Variants in DCAF6 observed in about 807,000 individuals in gnomAD.
DCAF6 encodes the protein DDB1 and CUL4 associated factor 6.
DCAF6 carries 54 observed loss-of-function variants against 125.1 expected under a neutral mutation model. The observed-to-expected ratio is 0.43, with a 90% CI of 0.35 to 0.54. The LOEUF (loss-of-function observed/expected upper bound fraction) is 0.54. DCAF6 is among the 20% of genes least tolerant of loss of function. The probability of loss-of-function intolerance (pLI) is 0.01; values close to 1 mark genes in which losing one functional copy is unlikely to be tolerated. For synonymous variants in DCAF6, 371 were observed against 390.4 expected, an observed-to-expected ratio of 0.95 and a Z score of 0.58; for missense variants, 934 against 1,161.7, an observed-to-expected ratio of 0.80 and a Z score of 2.85.
At chr1:167,917,035 T>C in the DCAF6 span, 317 of 152,360 alleles carry the variant, frequency 2.1e-3, 2 homozygotes, top group African/African-American at 7.1e-3. Flanking sequence ...ACTCAAAAAG[T>C]TGTTTTGTCT....
At chr1:168,022,897 A>G (rs1030119324) in intron 11 of DCAF6, 91 bp from the exon 12 acceptor site, 14 of 1,160,866 alleles carry the variant, frequency 1.2e-5, no homozygotes, top group South Asian at 9.0e-5. Context: ...GCAGCCTTAT[A>G]CATTTGTTTC....
chr1:167,982,360 G>A (rs1294971707), intron 4 of DCAF6, among the ~76,000 whole-genome samples: 2 of 152,078 alleles, frequency 1.3e-5, no homozygotes, highest in South Asian at 2.1e-4. Context: ...TCCTGCCTCA[G>A]CCTCCTGAGT....
the DCAF6 span, among the ~76,000 whole-genome samples, chr1:167,866,525 T>G: frequency 5.9e-5 from 6 of 101,620 alleles, no homozygotes; most frequent in Non-Finnish European, 3.5e-5. Flanking sequence ...GCACACTCTA[T>G]GTGCCAAAAA....
Position 168,063,695 on chromosome 1 carries a change from C to G in DCAF6, c.2375C>G (p.Thr792Ser). ...KERKEMEELD[T>S]LNIRRPLVKM... The stretch of plus-strand genomic sequence containing the variant: ...AGGAAAGAAATGGAAGAATTGGATA[C>G]TTTGAACATTAGAAGGCCGCTAGTA... The change falls in exon 18 of 22, where the codon ACT becomes AGT. Residue 792 changes from threonine to serine, a missense_variant. Transcript: ENST00000367840. The G allele has an allele frequency of 6.2e-7, 1 of 1,604,652 alleles. No individual in the cohort carries two copies. The highest frequency in any genetic ancestry group is 1.7e-5 in the Admixed American group (1 of 58,290).
intron 13 of DCAF6, among the ~76,000 whole-genome samples, chr1:168,040,734 G>A (rs1432403589): frequency 1.4e-5 from 2 of 142,848 alleles, no homozygotes; most frequent in Non-Finnish European, 3.1e-5. Context: ...TTTTTTTTTA[G>A]AGAAAATCAT....
At chr1:167,957,843 G>A (rs1232534114) in intron 2 of DCAF6, among the ~76,000 whole-genome samples, 1 of 152,064 alleles carries the variant, frequency 6.6e-6, no homozygotes, top group Non-Finnish European at 1.5e-5. Flanking sequence ...GATGTGAAGT[G>A]GTAATTTGTT....
At position 168,045,113 on chromosome 1, in the gene DCAF6, C is replaced by CT; in HGVS notation, c.2146dup (p.Ser716PhefsTer4). ...CAGTTCCAAACAGAAGCCACTGGGC[C>CT]TTCAGCTCATGAAGAAACATCCACC... On this transcript the variant is annotated frameshift_variant, in exon 16 of 22. Transcript: ENST00000367840. LOFTEE classifies it high-confidence loss of function. The CT allele has an allele frequency of 6.2e-7, 1 of 1,614,020 alleles. No individual in the cohort carries two copies. Among genetic ancestry groups the CT allele is most frequent in the East Asian group, 2.2e-5 (1 of 44,878 alleles).
chr1:167,932,808 CAAAAAAAA>C (rs965449372), upstream of DCAF6, among the ~76,000 whole-genome samples: 2 of 54,966 alleles, frequency 3.6e-5, no homozygotes, highest in Non-Finnish European at 8.4e-5. Flanking sequence ...GACTCTGTCT[CAAAAAAAA>C]AAAAAAAAAA....
intron 17 of DCAF6, chr1:168,055,946 C>G: frequency 6.3e-7 from 1 of 1,590,350 alleles, no homozygotes; most frequent in Non-Finnish European, 8.6e-7. Context: ...CTTCTTCACT[C>G]ATAAGTTCAT....
the DCAF6 span, among the ~76,000 whole-genome samples, chr1:167,898,912 A>G: frequency 2.0e-5 from 3 of 152,232 alleles, no homozygotes; most frequent in East Asian, 5.8e-4. Context: ...AGTTCTGCTT[A>G]TAGTCAATCT....
chr1:168,000,616 A>G (rs539729925), intron 7 of DCAF6, among the ~76,000 whole-genome samples: 5 of 152,280 alleles, frequency 3.3e-5, no homozygotes, highest in South Asian at 2.1e-4. Context: ...TCGTCAACCA[A>G]TTGACGAATG....
chr1:167,911,599 A>G, the DCAF6 span, among the ~76,000 whole-genome samples: 1 of 152,252 alleles, frequency 6.6e-6, no homozygotes, highest in African/African-American at 2.4e-5. Context: ...TGTTCCGGCC[A>G]ATGGGCAGTA....
At chr1:167,929,112 CGTT>C in the DCAF6 span, among the ~76,000 whole-genome samples, 4 of 150,236 alleles carry the variant, frequency 2.7e-5, no homozygotes, top group African/African-American at 9.8e-5. Context: ...TAATCCCAGC[CGTT>C]TGGGAGGCGG....
chr1:167,979,545 A>T (rs914656583), intron 4 of DCAF6, among the ~76,000 whole-genome samples: 2 of 152,164 alleles, frequency 1.3e-5, no homozygotes, highest in African/African-American at 4.8e-5. Flanking sequence ...TATTTCCTTT[A>T]TAAGGCAGGA....
chr1:167,931,086 C>T (rs954307024), upstream of DCAF6, among the ~76,000 whole-genome samples: 8 of 152,206 alleles, frequency 5.3e-5, no homozygotes, highest in African/African-American at 1.9e-4. Flanking sequence ...TGTGCACCAC[C>T]ATGCCCAGCT....
chr1:168,056,575 G>A (rs1480553817), intron 17 of DCAF6, among the ~76,000 whole-genome samples: 1 of 152,084 alleles, frequency 6.6e-6, no homozygotes, highest in Admixed American at 6.5e-5. Context: ...AGAAGATGAA[G>A]GTCACTGTTG....
chr1:167,917,690 A>G, the DCAF6 span: 1 of 152,156 alleles, frequency 6.6e-6, no homozygotes, highest in Admixed American at 6.5e-5. Flanking sequence ...TTTCTGCTAC[A>G]TTATCAGTTA....
At chr1:168,053,825 C>T (rs979301289) in intron 17 of DCAF6, among the ~76,000 whole-genome samples, 3 of 152,160 alleles carry the variant, frequency 2.0e-5, no homozygotes, top group African/African-American at 2.4e-5. Context: ...AAGCTGGCCC[C>T]GCAGGGTTGT....
the DCAF6 span, among the ~76,000 whole-genome samples, chr1:167,900,159 A>G: frequency 1.3e-5 from 2 of 152,268 alleles, no homozygotes; most frequent in Non-Finnish European, 2.9e-5. Context: ...AGAAGAAGAT[A>G]TTGTATAATA....
Sources: gnomAD v4.1 joint callset for allele counts (sites outside exome capture counted in the v4.1 genomes callset) on GRCh38, gnomAD v4.1.1 for gene constraint, MANE v1.5 for transcripts, NCBI Gene and HGNC (gene_info 2026-07-23, HGNC 2026-07-21) for gene names.